ENPEP: variants seen among roughly 807,000 people sequenced by gnomAD.
ENPEP encodes AP-A.
A neutral mutation model predicts 114.5 loss-of-function variants in ENPEP; 103 were observed. The observed-to-expected ratio is 0.90, with a 90% CI of 0.77 to 1.06. The LOEUF (loss-of-function observed/expected upper bound fraction) is 1.06. Among genes scored for constraint, ENPEP ranks in the 50% least tolerant of loss-of-function variants. The pLI, the probability that ENPEP is intolerant of heterozygous loss-of-function variation, is 0.00. For synonymous variants in ENPEP, 420 were observed against 422.0 expected, an observed-to-expected ratio of 1.00 and a Z score of 0.06; for missense variants, 1,196 against 1,161.3, an observed-to-expected ratio of 1.03 and a Z score of -0.43.
At chr4:110,522,270 T>C (rs1187668457) in intron 10 of ENPEP, among the ~76,000 whole-genome samples, 1 of 151,886 alleles carries the variant, frequency 6.6e-6, no homozygotes, top group Non-Finnish European at 1.5e-5. Flanking sequence ...CAACCTCTGC[T>C]TCTCGGGTTC....
intron 10 of ENPEP, among the ~76,000 whole-genome samples, chr4:110,525,818 C>T (rs1007161065): frequency 2.6e-5 from 4 of 152,156 alleles, no homozygotes; most frequent in Non-Finnish European, 5.9e-5. Flanking sequence ...TAATTATTCT[C>T]TCTTACTATA....
At chr4:110,479,041 CAG>C (rs2110329504) in intron 1 of ENPEP, among the ~76,000 whole-genome samples, 1 of 152,216 alleles carries the variant, frequency 6.6e-6, no homozygotes, top group South Asian at 2.1e-4. Context: ...ACTCAGAAAA[CAG>C]AGAAAATTAT....
At chr4:110,528,957 A>ACT (rs1414967258) in intron 10 of ENPEP, among the ~76,000 whole-genome samples, 1 of 152,190 alleles carries the variant, frequency 6.6e-6, no homozygotes, top group Non-Finnish European at 1.5e-5. Flanking sequence ...CAAGTCTGTG[A>ACT]TTTTACTCAG....
chr4:110,535,628 G>A (rs1726586042), intron 11 of ENPEP, among the ~76,000 whole-genome samples: 1 of 152,208 alleles, frequency 6.6e-6, no homozygotes, highest in Non-Finnish European at 1.5e-5. Flanking sequence ...AAATATACTA[G>A]TTAGTGAATC....
chr4:110,487,463 G>A (rs533755564), intron 1 of ENPEP, among the ~76,000 whole-genome samples: 1 of 152,278 alleles, frequency 6.6e-6, no homozygotes, highest in Non-Finnish European at 1.5e-5. Flanking sequence ...TTGCAAAGGC[G>A]GTTTCATACA....
chr4:110,530,471 T>G (rs549410453), intron 10 of ENPEP, among the ~76,000 whole-genome samples: 2 of 152,286 alleles, frequency 1.3e-5, no homozygotes, highest in African/African-American at 4.8e-5. Flanking sequence ...AGATCTGCAT[T>G]TTCTGATATG....
chr4:110,516,634 C>T (rs1725781056), intron 8 of ENPEP, among the ~76,000 whole-genome samples: 1 of 152,164 alleles, frequency 6.6e-6, no homozygotes, highest in African/African-American at 2.4e-5. Flanking sequence ...AGATCTCACT[C>T]CCATCAAGCC....
chr4:110,478,353 T>C (rs1454258269), intron 1 of ENPEP, among the ~76,000 whole-genome samples: 2 of 152,198 alleles, frequency 1.3e-5, no homozygotes, highest in African/African-American at 2.4e-5. Flanking sequence ...AAAAACACTC[T>C]TACCATTTAC....
intron 3 of ENPEP, among the ~76,000 whole-genome samples, chr4:110,500,706 A>G (rs1197948045): frequency 6.6e-6 from 1 of 152,324 alleles, no homozygotes; most frequent in East Asian, 1.9e-4. Context: ...ATGTTATTTC[A>G]GTATGGGTTG....
At chr4:110,494,536 A>G (rs1390759068) in intron 3 of ENPEP, among the ~76,000 whole-genome samples, 1 of 152,190 alleles carries the variant, frequency 6.6e-6, no homozygotes, top group East Asian at 1.9e-4. Context: ...CCCTGATTCA[A>G]CTTGCTTGGG....
intron 11 of ENPEP, among the ~76,000 whole-genome samples, chr4:110,534,648 C>T (rs1219586916): frequency 6.6e-6 from 1 of 151,222 alleles, no homozygotes; most frequent in Non-Finnish European, 1.5e-5. Context: ...GCTGGGATTA[C>T]AGGTGCCTGC....
intron 1 of ENPEP, among the ~76,000 whole-genome samples, chr4:110,477,551 G>A (rs1724158561): frequency 6.6e-6 from 1 of 151,790 alleles, no homozygotes; most frequent in Non-Finnish European, 1.5e-5. Flanking sequence ...GGAGAAGAGA[G>A]ACATTGAAAA....
At chr4:110,515,747 C>T in intron 8 of ENPEP, 1 of 492,602 alleles carries the variant, frequency 2.0e-6, no homozygotes, top group Non-Finnish European at 4.0e-6. Context: ...GACTGGGTGG[C>T]TTAAACAATA....
rs757705804 is a variant in ENPEP, at chr4:110,488,570, C to G, written c.674C>G (p.Thr225Arg). Residue 225 changes from threonine to arginine, a missense_variant, in exon 2 of 20, where the codon ACA becomes AGA. Physicochemically the swap from Thr to Arg is moderately conservative, Grantham distance 71. Coordinates refer to ENST00000265162, the MANE Select transcript of ENPEP (RefSeq NM_001977.4). The stretch of plus-strand genomic sequence containing the variant: ...ATAGTGGCCACCGATCATGAACCAA[C>G]AGATGCCAGGAAATCTTTTCCTTGT... Reference protein sequence around the residue: ...KSIVATDHEPTDARKSFPCFD... With the variant: ...KSIVATDHEPRDARKSFPCFD... The G allele has an allele frequency of 1.9e-6, 3 of 1,613,530 alleles. No homozygotes were observed. The highest frequency in any genetic ancestry group is 1.7e-6 in the Non-Finnish European group (2 of 1,179,812).
chr4:110,507,699 G>C (rs1426076503), intron 4 of ENPEP, among the ~76,000 whole-genome samples: 1 of 152,274 alleles, frequency 6.6e-6, no homozygotes, highest in African/African-American at 2.4e-5. Context: ...TATTGGGCCA[G>C]GTGCAGTGGC....
chr4:110,529,357 CT>C (rs1323897740), intron 10 of ENPEP, among the ~76,000 whole-genome samples: 1 of 152,262 alleles, frequency 6.6e-6, no homozygotes, highest in South Asian at 2.1e-4. Context: ...TTCTGAGAAG[CT>C]GCAAGGGCTC....
intron 19 of ENPEP, 112 bp downstream of exon 19, chr4:110,559,837 A>G: frequency 1.2e-6 from 1 of 801,048 alleles, no homozygotes; most frequent in Non-Finnish European, 2.1e-6. Context: ...CAGGTTTGTT[A>G]CGTAGGTATA....
intron 2 of ENPEP, among the ~76,000 whole-genome samples, chr4:110,490,037 A>G (rs1403873640): frequency 1.3e-5 from 2 of 152,216 alleles, no homozygotes; most frequent in Non-Finnish European, 2.9e-5. Context: ...GAAAGGATAA[A>G]CTTAAAGTAT....
Position 110,562,028 on chromosome 4 carries a change from A to C in ENPEP, c.*470A>C, listed in dbSNP as rs1727699048. ...TATTATTCAGAATTATACAGACCTA[A>C]TATCATTTTATTCACATATGTCTTA... is the stretch of plus-strand genomic sequence containing the variant. On this transcript the variant is annotated 3_prime_UTR_variant, in exon 20 of 20. Transcript: ENST00000265162. 1 of 152,374 alleles carries C rather than the reference A, an allele frequency of 6.6e-6. No individual in the cohort carries two copies. Among genetic ancestry groups the C allele is most frequent in the African/African-American group, 2.4e-5 (1 of 41,436 alleles). 9.4% of individuals were successfully genotyped at this position (152,374 alleles called of 1,614,324 possible).
Sources: gnomAD v4.1 joint callset for allele counts (sites outside exome capture counted in the v4.1 genomes callset) on GRCh38, gnomAD v4.1.1 for gene constraint, MANE v1.5 for transcripts, NCBI Gene and HGNC (gene_info 2026-07-23, HGNC 2026-07-21) for gene names.